Variants in MTAP observed in about 807,000 individuals in gnomAD.
MTAP encodes the protein S-methyl-5'-thioadenosine phosphorylase.
In MTAP, 33 loss-of-function variants were observed where a neutral mutation model predicts 33.6. The observed-to-expected ratio is 0.98, with a 90% CI of 0.74 to 1.31. MTAP has a LOEUF of 1.31. Ranked by LOEUF, MTAP falls within the 40% of genes most tolerant of loss-of-function variation. The pLI is 0.00. For synonymous variants in MTAP, 148 were observed against 125.7 expected, an observed-to-expected ratio of 1.18 and a Z score of -1.19; for missense variants, 367 against 360.0, an observed-to-expected ratio of 1.02 and a Z score of -0.16.
At chr9:21,940,753 G>A (rs1819125061), downstream of MTAP, among the ~76,000 whole-genome samples, 1 of 152,164 alleles carries the variant, frequency 6.6e-6, no homozygotes, top group South Asian at 2.1e-4. Context: ...GCCTTCTCCA[G>A]GTGCACCATC....
chr9:21,838,088 A>G, intron 5 of MTAP, 78 bp downstream of exon 5: 5 of 1,189,562 alleles, frequency 4.2e-6, no homozygotes, highest in Non-Finnish European at 6.3e-6. Context: ...GTTAATTGGC[A>G]GAGCGAGTGG....
chr9:21,838,642 A>G (rs1325944153), intron 5 of MTAP, among the ~76,000 whole-genome samples: 1 of 152,254 alleles, frequency 6.6e-6, no homozygotes, highest in Non-Finnish European at 1.5e-5. Context: ...GTCTACCATT[A>G]TAGCCAAATC....
intron 5 of MTAP, among the ~76,000 whole-genome samples, chr9:21,849,774 G>A (rs1313262111): frequency 6.6e-6 from 1 of 152,214 alleles, no homozygotes; most frequent in East Asian, 1.9e-4. Context: ...GATGGGTCTT[G>A]GGGAGAATGA....
At chr9:21,824,005 C>T (rs919409221) in intron 4 of MTAP, among the ~76,000 whole-genome samples, 2 of 152,118 alleles carry the variant, frequency 1.3e-5, no homozygotes, top group African/African-American at 2.4e-5. Flanking sequence ...GTTAGCCATT[C>T]GTCTAATCTT....
intron 1 of MTAP, among the ~76,000 whole-genome samples, chr9:21,928,677 T>G (rs1165222037): frequency 1.3e-5 from 2 of 152,102 alleles, no homozygotes; most frequent in East Asian, 3.9e-4. Context: ...TCACTTTGCC[T>G]GAGAACTGCA....
At chr9:21,828,688 G>C (rs1203679833) in intron 4 of MTAP, among the ~76,000 whole-genome samples, 1 of 151,980 alleles carries the variant, frequency 6.6e-6, no homozygotes, top group African/African-American at 2.4e-5. Flanking sequence ...AAAAAAAGAA[G>C]GATCCCTAAG....
chr9:21,883,820 C>T (rs1464230568), intron 1 of MTAP, among the ~76,000 whole-genome samples: 1 of 151,838 alleles, frequency 6.6e-6, no homozygotes, highest in Non-Finnish European at 1.5e-5. Flanking sequence ...CAATAGGAAG[C>T]TGGGGATGAA....
chr9:21,898,865 C>T (rs1032827348), intron 1 of MTAP, among the ~76,000 whole-genome samples: 1 of 152,092 alleles, frequency 6.6e-6, no homozygotes, highest in Non-Finnish European at 1.5e-5. Flanking sequence ...CCATCTGACC[C>T]AGCCATCCCA....
At chr9:21,931,212 AC>A, downstream of MTAP, 1 of 710,808 alleles carries the variant, frequency 1.4e-6, no homozygotes. Context: ...AGAGGCCAAG[AC>A]CCACAGAACA....
chr9:21,878,519 G>T (rs1307645763), intron 1 of MTAP, among the ~76,000 whole-genome samples: 6 of 151,958 alleles, frequency 3.9e-5, no homozygotes, highest in Non-Finnish European at 8.8e-5. Context: ...CAGGTTATGA[G>T]ACTGGCTAAT....
chr9:21,819,926 G>A (rs964807464), intron 4 of MTAP, among the ~76,000 whole-genome samples: 1 of 152,194 alleles, frequency 6.6e-6, no homozygotes. Context: ...TCTTTTGGCT[G>A]CATAAATGTC....
rs1249101699 is a variant in MTAP, at chr9:21,865,934, T to TG, written c.*3921dup. ...GATGAATGTTTGAATTTTTTCCATT[T>TG]GAGGAATTTTATGAATAAAGCTGCT... On this transcript the variant is annotated 3_prime_UTR_variant, in exon 8 of 8. Coordinates refer to ENST00000644715, the MANE Select transcript of MTAP (RefSeq NM_002451.4). The TG allele has an allele frequency of 4.9e-6, 2 of 409,998 alleles. No individual in the cohort carries two copies. Among genetic ancestry groups the TG allele is most frequent in the Non-Finnish European group, 6.6e-6 (2 of 303,686 alleles). The allele number at this position is 409,998 out of a possible 1,614,324, so 25.4% of individuals were successfully genotyped here.
chr9:21,824,409 G>C (rs972380092), intron 4 of MTAP, among the ~76,000 whole-genome samples: 3 of 152,214 alleles, frequency 2.0e-5, no homozygotes, highest in Non-Finnish European at 2.9e-5. Flanking sequence ...GGAGGCTGCA[G>C]AACGGCGAAT....
chr9:21,859,529 A>G (rs1340201471), intron 7 of MTAP, 104 bp downstream of exon 7: 2 of 1,339,662 alleles, frequency 1.5e-6, no homozygotes, highest in Admixed American at 6.0e-5. Flanking sequence ...ATGCCAGCCT[A>G]GATGTTTTCA....
rs1008931604 is a variant in MTAP at position 21,865,873 on chromosome 9, T to C, written c.*3859T>C. 7.6e-6 allele frequency: 6 copies of C among 793,120 alleles called. No homozygotes were observed. Among genetic ancestry groups the C allele is most frequent in the Non-Finnish European group, 7.6e-6 (5 of 654,134 alleles). 49.1% of individuals were successfully genotyped at this position (793,120 alleles called of 1,614,324 possible). A position where few individuals can be genotyped will look rare whatever the true frequency, so the allele number is the denominator to read the frequency against. ...TATTGCCTAGTAGTATTCTGTCATA[T>C]GCCTATCTTACAATTTGATTATCTA... On this transcript the variant is annotated 3_prime_UTR_variant, in exon 8 of 8. Coordinates refer to ENST00000644715, the MANE Select transcript of MTAP (RefSeq NM_002451.4).
chr9:21,821,599 G>A (rs1824641505), intron 4 of MTAP, among the ~76,000 whole-genome samples: 1 of 152,124 alleles, frequency 6.6e-6, no homozygotes, highest in Non-Finnish European at 1.5e-5. Context: ...TTTTGGTTGT[G>A]TCTCTGCCAG....
At chr9:21,848,679 T>C (rs1825438592) in intron 5 of MTAP, among the ~76,000 whole-genome samples, 1 of 152,164 alleles carries the variant, frequency 6.6e-6, no homozygotes, top group Non-Finnish European at 1.5e-5. Context: ...AATATGCCCT[T>C]GACCAATGCC....
intron 1 of MTAP, among the ~76,000 whole-genome samples, chr9:21,908,159 C>A (rs575929012): frequency 3.0e-4 from 46 of 152,258 alleles, no homozygotes; most frequent in African/African-American, 1.1e-3. Context: ...ACCACTGATT[C>A]TTTCTCCATG....
intron 1 of MTAP, among the ~76,000 whole-genome samples, chr9:21,885,779 GGTGTGTGTGTGTGTGTGTGT>G (rs34691018): frequency 8.3e-5 from 12 of 144,446 alleles, no homozygotes; most frequent in African/African-American, 2.8e-4. Flanking sequence ...AGTATTACAT[GGTGTGTGTGTGTGTGTGTGT>G]GTGTGTGTGT....
Sources: gnomAD v4.1 joint callset for allele counts (sites outside exome capture counted in the v4.1 genomes callset) on GRCh38, gnomAD v4.1.1 for gene constraint, MANE v1.5 for transcripts, NCBI Gene and HGNC (gene_info 2026-07-23, HGNC 2026-07-21) for gene names.